The following RORB variants were observed in gnomAD, a reference collection of about 807,000 sequenced individuals.
RORB encodes the protein nuclear receptor ROR-beta.
RORB carries 6 observed loss-of-function variants against 59.1 expected under a neutral mutation model. The observed-to-expected ratio is 0.10, with a 90% CI of 0.06 to 0.20. RORB has a LOEUF of 0.20. Ranked by LOEUF, RORB falls within the 10% of genes least tolerant of loss-of-function variation. The pLI is 1.00. For missense variants in RORB, 320 were observed against 560.5 expected, an observed-to-expected ratio of 0.57 and a Z score of 4.33; for synonymous variants, 215 against 204.5, an observed-to-expected ratio of 1.05 and a Z score of -0.44.
intron 1 of RORB, among the ~76,000 whole-genome samples, chr9:74,629,537 G>A (rs7022435): frequency 0.21 from 31,240 of 151,326 alleles, 3,266 homozygotes; most frequent in Non-Finnish European, 0.24. Context: ...CTTTCCCTTC[G>A]TCCTAATTAA....
intron 1 of RORB, among the ~76,000 whole-genome samples, chr9:74,622,574 C>T (rs1031155292): frequency 2.6e-4 from 35 of 132,174 alleles, no homozygotes; most frequent in African/African-American, 8.8e-4. Context: ...TCGCCCAGGC[C>T]GGAGTGCAGT....
chr9:74,670,359 T>C (rs1824328125), intron 8 of RORB, among the ~76,000 whole-genome samples: 1 of 152,182 alleles, frequency 6.6e-6, no homozygotes, highest in Admixed American at 6.5e-5. Context: ...GGCAAGTCAG[T>C]AAATTTTAAG....
At chr9:74,591,894 G>A (rs1399336515) in intron 1 of RORB, among the ~76,000 whole-genome samples, 1 of 152,108 alleles carries the variant, frequency 6.6e-6, no homozygotes, top group Non-Finnish European at 1.5e-5. Context: ...GTTATATGGG[G>A]AGTGTGTGCG....
intron 1 of RORB, among the ~76,000 whole-genome samples, chr9:74,596,012 AG>A (rs1822965414): frequency 6.6e-6 from 1 of 152,168 alleles, no homozygotes; most frequent in Non-Finnish European, 1.5e-5. Flanking sequence ...GGAAACTCAG[AG>A]TTTGAGTTGG....
chr9:74,613,665 T>C (rs73650015), intron 1 of RORB, among the ~76,000 whole-genome samples: 2,508 of 152,322 alleles, frequency 0.016, 79 homozygotes, highest in African/African-American at 0.058. Flanking sequence ...TGAGAACCAC[T>C]AAGTTCGGCT....
intron 1 of RORB, among the ~76,000 whole-genome samples, chr9:74,536,885 T>C (rs991746501): frequency 4.6e-5 from 7 of 151,966 alleles, no homozygotes; most frequent in African/African-American, 1.2e-4. Context: ...AACTTTTCTA[T>C]AGTGTGTTAA....
intron 1 of RORB, among the ~76,000 whole-genome samples, chr9:74,619,030 T>C (rs1823362941): frequency 6.6e-6 from 1 of 152,234 alleles, no homozygotes; most frequent in Non-Finnish European, 1.5e-5. Context: ...GGTTAGTGAC[T>C]ACAGATTAAG....
intron 1 of RORB, among the ~76,000 whole-genome samples, chr9:74,610,337 ATGTAGAGAAAAATAACAGAGATTTT>A (rs1420724179): frequency 2.0e-5 from 3 of 152,238 alleles, no homozygotes; most frequent in Non-Finnish European, 2.9e-5. Flanking sequence ...TTTGAGAAAC[ATGTAGAGAAAAATAACAGAGATTTT>A]TGTAGAGAAA....
intron 1 of RORB, among the ~76,000 whole-genome samples, chr9:74,505,997 G>A (rs1352295352): frequency 6.7e-6 from 1 of 149,954 alleles, no homozygotes; most frequent in East Asian, 2.0e-4. Flanking sequence ...GTATCACCAA[G>A]AAAAAGAAAA....
intron 1 of RORB, among the ~76,000 whole-genome samples, chr9:74,610,078 G>A (rs529087806): frequency 2.6e-5 from 4 of 152,270 alleles, no homozygotes; most frequent in South Asian, 4.2e-4. Flanking sequence ...TGTATACAGC[G>A]TCTCACATTA....
intron 1 of RORB, among the ~76,000 whole-genome samples, chr9:74,545,646 A>G (rs942457533): frequency 1.3e-5 from 2 of 152,212 alleles, no homozygotes; most frequent in African/African-American, 4.8e-5. Flanking sequence ...TAGAAAACTA[A>G]TCTGATTAGG....
intron 1 of RORB, among the ~76,000 whole-genome samples, chr9:74,552,523 G>A (rs1826627200): frequency 6.6e-6 from 1 of 151,950 alleles, no homozygotes; most frequent in African/African-American, 2.4e-5. Context: ...AATAAATAGA[G>A]CACTTTAAAA....
intron 9 of RORB, among the ~76,000 whole-genome samples, 194 bp from the exon 10 acceptor site, chr9:74,685,269 C>T (rs536362786): frequency 5.2e-4 from 4 of 7,648 alleles, no homozygotes; most frequent in African/African-American, 1.2e-3. Flanking sequence ...AGATGGTGTC[C>T]GGGGGGGCGG....
rs529152800 is a variant in RORB at position 74,515,248 on chromosome 9, A to G, written c.7+17265A>G. ...AATCCTCACAGCAAATTTCTGATTA[A>G]GCAGTGTTTATTATTAGGTCCATTT... On this transcript the variant is annotated intron_variant, in intron 1 of 9. Coordinates refer to ENST00000376896, the MANE Select transcript of RORB (RefSeq NM_006914.4). Among the ~76,000 whole-genome samples, 7 of 151,920 alleles carry G rather than the reference A, an allele frequency of 4.6e-5. No individual in the cohort carries two copies. The East Asian group carries it at 1.4e-3, about 29-fold the overall frequency.
intron 1 of RORB, among the ~76,000 whole-genome samples, chr9:74,505,916 A>G (rs17293520): frequency 0.3 from 45,403 of 151,642 alleles, 7,119 homozygotes; most frequent in Admixed American, 0.39. Flanking sequence ...AATTACAAAA[A>G]GAAAGTATAT....
At chr9:74,644,456 C>T (rs759049783) in intron 4 of RORB, among the ~76,000 whole-genome samples, 4 of 152,068 alleles carry the variant, frequency 2.6e-5, no homozygotes, top group Non-Finnish European at 5.9e-5. Context: ...ATGCTGAAAC[C>T]GAAGCTTAGA....
At chr9:74,527,574 ATC>A (rs1316028976) in intron 1 of RORB, among the ~76,000 whole-genome samples, 2 of 152,052 alleles carry the variant, frequency 1.3e-5, no homozygotes, top group Non-Finnish European at 2.9e-5. Flanking sequence ...TTTAAACAAC[ATC>A]TGTTATTACC....
At chr9:74,666,159 C>T (rs1280764200) in intron 7 of RORB, among the ~76,000 whole-genome samples, 4 of 152,066 alleles carry the variant, frequency 2.6e-5, no homozygotes, top group South Asian at 2.1e-4. Flanking sequence ...TGGTGGCTGA[C>T]GCCTGTAATC....
At chr9:74,555,752 A>G (rs937044609) in intron 1 of RORB, among the ~76,000 whole-genome samples, 1 of 152,178 alleles carries the variant, frequency 6.6e-6, no homozygotes, top group Non-Finnish European at 1.5e-5. Flanking sequence ...GCAGCTGCAA[A>G]TAAGAACTAA....
Sources: allele counts gnomAD v4.1 joint callset (sites outside exome capture counted in the v4.1 genomes callset), GRCh38; gene constraint gnomAD v4.1.1; transcripts MANE v1.5; gene names NCBI Gene and HGNC (gene_info 2026-07-23, HGNC 2026-07-21).